Variants in PCNT observed in about 807,000 individuals in gnomAD.
PCNT encodes the protein pericentrin.
A neutral mutation model predicts 380.4 loss-of-function variants in PCNT; 319 were observed. The observed-to-expected ratio is 0.84, with a 90% confidence interval of 0.77 to 0.92. The LOEUF (loss-of-function observed/expected upper bound fraction) is 0.92. Ranked by LOEUF, PCNT falls within the 40% of genes least tolerant of loss-of-function variation. The pLI, the probability that PCNT is intolerant of heterozygous loss-of-function variation, is 0.00. For missense variants in PCNT, 4,400 were observed against 4,255.3 expected, an observed-to-expected ratio of 1.03 and a Z score of -0.95; for synonymous variants, 1,845 against 1,735.2, an observed-to-expected ratio of 1.06 and a Z score of -1.57.
chr21:46,371,043 T>C (rs1267110348), intron 15 of PCNT, among the ~76,000 whole-genome samples: 2 of 151,628 alleles, frequency 1.3e-5, no homozygotes, highest in African/African-American at 4.8e-5. Flanking sequence ...TCAAAAAATA[T>C]ATATATGAAA....
chr21:46,325,209 A>G, intron 1 of PCNT: 2 of 985,200 alleles, frequency 2.0e-6, no homozygotes, highest in Non-Finnish European at 2.4e-6. Flanking sequence ...GGCCTCTGCG[A>G]GGTGCGCGCC....
chr21:46,365,760 A>G (rs1425980203), intron 14 of PCNT, among the ~76,000 whole-genome samples: 1 of 133,012 alleles, frequency 7.5e-6, no homozygotes, highest in African/African-American at 2.9e-5. Flanking sequence ...CTATTCATTC[A>G]CTCCCATGGA....
At chr21:46,342,825 A>G (rs2146491358) in intron 3 of PCNT, among the ~76,000 whole-genome samples, 1 of 152,318 alleles carries the variant, frequency 6.6e-6, no homozygotes, top group African/African-American at 2.4e-5. Context: ...CACCGTGCGC[A>G]GCCAGCGATT....
Position 46,353,990 on chromosome 21 carries a change from G to A in PCNT, c.1683G>A (p.Leu561=). The change falls in exon 11 of 47, where the codon TTG becomes TTA. Residue 561 remains leucine (L), a synonymous_variant. Transcript: ENST00000359568. ...DALLDSVEVG[L]SCVGLEEKPE... is the part of the protein sequence containing the mutation. ...TTATAAAATGTTTTCCCTTCAGGTT[G>A]TCCTGTGTGGGTTTAGAAGAGAAAC... The A allele has an allele frequency of 1.2e-6, 2 of 1,613,406 alleles. No homozygotes were observed. The highest frequency in any genetic ancestry group is 1.1e-5 in the South Asian group (1 of 91,070).
At chr21:46,443,720 T>C in intron 44 of PCNT, 90 bp from the exon 45 acceptor site, 1 of 1,265,656 alleles carries the variant, frequency 7.9e-7, no homozygotes, top group Non-Finnish European at 1.2e-6. Flanking sequence ...CTTAAAAGCT[T>C]ATACGTTTAA....
intron 4 of PCNT, 73 bp downstream of exon 4, chr21:46,346,281 G>T (rs77501081): frequency 1.2e-5 from 9 of 753,992 alleles, no homozygotes; most frequent in Middle Eastern, 2.9e-4. Flanking sequence ...GGGCATCCGG[G>T]TGGGGGTGGG....
At chr21:46,333,160 G>A (rs897093475) in intron 2 of PCNT, among the ~76,000 whole-genome samples, 7 of 151,982 alleles carry the variant, frequency 4.6e-5, no homozygotes, top group African/African-American at 1.2e-4. Flanking sequence ...ATGGCCGGGC[G>A]CAGTGACTCA....
chr21:46,365,445 C>T (rs2084877973), intron 14 of PCNT, among the ~76,000 whole-genome samples: 1 of 146,816 alleles, frequency 6.8e-6, no homozygotes. Context: ...CCGTGGGGTT[C>T]TGTTCACTGC....
chr21:46,364,054 G>C (rs1273328016), intron 14 of PCNT, 120 bp downstream of exon 14: 1 of 878,712 alleles, frequency 1.1e-6, no homozygotes, highest in African/African-American at 1.7e-5. Flanking sequence ...GGTCTGGAGG[G>C]AGCTGGAACA....
At position 46,367,040 on chromosome 21, in the gene PCNT, A is replaced by G. The variant is rs190589881; in HGVS notation, c.3066A>G (p.Lys1022=). Residue 1022 remains lysine, a synonymous_variant, in exon 15 of 47, where the codon AAA becomes AAG. Transcript: ENST00000359568. The stretch of plus-strand genomic sequence containing the variant: ...AAGAGTTGGAGAAACTGAAGCGGAA[A>G]CACGAAGGGGAGCTACAGTCTGTGC... ...LTQELEKLKR[K]HEGELQSVRD... The G allele has an allele frequency of 2.5e-6, 4 of 1,614,114 alleles. No homozygotes were observed. The East Asian group carries it at 8.9e-5, about 36-fold the overall frequency.
rs1203215578 is a variant in PCNT at position 46,367,100 on chromosome 21, C to T, written c.3126C>T (p.Leu1042=). The change falls in exon 15 of 47, where the codon CTC becomes CTT. Residue 1042 remains leucine, a synonymous_variant. Transcript: ENST00000359568. ...DHLRTEVSTE[L]AGTVAHELQG... is the part of the protein sequence containing the mutation. ...TGCGAACCGAAGTGAGCACAGAGCT[C>T]GCCGGAACCGTGGCTCACGAGCTGC... The T allele has an allele frequency of 5.6e-6, 9 of 1,613,536 alleles. No individual in the cohort carries two copies. Among genetic ancestry groups the T allele is most frequent in the Non-Finnish European group, 5.9e-6 (7 of 1,180,024 alleles).
rs758561093 is a variant in PCNT, at chr21:46,349,062, A to G, written c.1083A>G (p.Leu361=). 43 of 1,607,376 alleles carry G rather than the reference A, an allele frequency of 2.7e-5. No individual in the cohort carries two copies. The East Asian group carries it at 5.6e-4, about 21-fold the overall frequency. Residue 361 remains leucine (L), a synonymous_variant, in exon 7 of 47, where the codon CTA becomes CTG. Transcript: ENST00000359568. ...ESEKDLCLEN[L]RKELSAKHQS... ...AAAAAGATTTATGTTTAGAAAATCTACGCAAAGAACTGTCTGCAAAGCATC... is the reference window on the plus strand; with the variant it reads ...AAAAAGATTTATGTTTAGAAAATCTGCGCAAAGAACTGTCTGCAAAGCATC...
chr21:46,438,467 C>G, intron 41 of PCNT, 130 bp downstream of exon 41: 1 of 789,728 alleles, frequency 1.3e-6, no homozygotes. Context: ...CCCTAACCGC[C>G]AGGCTCTGTT....
chr21:46,369,622 A>G (rs941039326), intron 15 of PCNT, among the ~76,000 whole-genome samples: 5 of 152,290 alleles, frequency 3.3e-5, no homozygotes, highest in African/African-American at 1.2e-4. Flanking sequence ...CTGAAAGAAT[A>G]TTCAGAAAGG....
chr21:46,389,205 C>A lies in PCNT; in HGVS notation c.3614C>A (p.Ala1205Glu), dbSNP rs761787113. 1.9e-6 allele frequency: 3 copies of A among 1,613,918 alleles called. No individual in the cohort carries two copies. The highest frequency in any genetic ancestry group is 1.7e-5 in the Admixed American group (1 of 60,018). Residue 1205 changes from alanine (A) to glutamate (E), a missense_variant, in exon 19 of 47, where the codon GCG becomes GAG. By Grantham distance (107) the Ala-to-Glu change is moderately radical. Coordinates refer to ENST00000359568, the MANE Select transcript of PCNT (RefSeq NM_006031.6). ...GAGLALSTAPALEETWSDVAL... is the reference protein window; with the variant it reads ...GAGLALSTAPELEETWSDVAL... ...GCATCTGCTCATCTTGTAGCTCCGG[C>A]GCTGGAGGAGACATGGTCTGATGTG...
chr21:46,428,993 C>T (rs1249667438), intron 35 of PCNT, among the ~76,000 whole-genome samples: 1 of 152,236 alleles, frequency 6.6e-6, no homozygotes, highest in Non-Finnish European at 1.5e-5. Context: ...TGTTCTCTCA[C>T]GTGCTGTGCC....
intron 32 of PCNT, among the ~76,000 whole-genome samples, chr21:46,424,720 C>T (rs542704444): frequency 1.4e-5 from 2 of 146,558 alleles, no homozygotes; most frequent in Non-Finnish European, 3.0e-5. Context: ...CTGCGCCCCC[C>T]CCAACCCTGC....
chr21:46,401,332 G>A (rs2086419835), intron 25 of PCNT, among the ~76,000 whole-genome samples: 1 of 152,178 alleles, frequency 6.6e-6, no homozygotes, highest in African/African-American at 2.4e-5. Flanking sequence ...GGCACAGGCT[G>A]TGGCTCTCAG....
At position 46,354,219 on chromosome 21, in the gene PCNT, G is replaced by C. The variant is rs1245696514; in HGVS notation, c.1761+151G>C. ...CGGATGCTGCCCCGACCTCACTGCT[G>C]CTCCGCGGTGGGCCTCACCATGCAC... is the stretch of plus-strand genomic sequence containing the variant. On this transcript the variant is annotated intron_variant, in intron 11 of 46. Coordinates refer to ENST00000359568, the MANE Select transcript of PCNT (RefSeq NM_006031.6). 5.3e-6 allele frequency: 4 copies of C among 749,918 alleles called. No homozygotes were observed. In the Admixed American group the frequency reaches 6.0e-5, roughly 11 times the overall value. The allele number at this position is 749,918 out of a possible 1,614,324, so 46.5% of individuals were successfully genotyped here. A position where few individuals can be genotyped will look rare whatever the true frequency, so the allele number is the denominator to read the frequency against.
Sources: allele counts gnomAD v4.1 joint callset (sites outside exome capture counted in the v4.1 genomes callset), GRCh38; gene constraint gnomAD v4.1.1; transcripts MANE v1.5; gene names NCBI Gene and HGNC (gene_info 2026-07-23, HGNC 2026-07-21).